Variants in RALYL observed in about 807,000 individuals in gnomAD.
RALYL encodes RALY RNA binding protein like.
Under a neutral mutation model 35.1 loss-of-function variants are expected in RALYL, and 29 were observed. The ratio of observed to expected loss-of-function variants is 0.83; its 90% CI spans 0.61 to 1.13. The LOEUF (loss-of-function observed/expected upper bound fraction) is 1.13, where lower values mean the gene tolerates loss of function less well. Among genes scored for constraint, RALYL ranks in the 50% most tolerant of loss-of-function variants. The pLI is 0.00. For synonymous variants in RALYL, 120 were observed against 127.6 expected (o/e 0.94, Z 0.40); for missense variants, 359 against 360.4 (o/e 1.00, Z 0.03).
chr8:84,367,206 G>T (rs776070806), intron 1 of RALYL, among the ~76,000 whole-genome samples: 1 of 143,906 alleles, frequency 6.9e-6, no homozygotes, highest in East Asian at 2.0e-4. Context: ...CACAATCTCC[G>T]CTCACTGCAA....
At chr8:84,273,874 C>A (rs758353093) in intron 1 of RALYL, among the ~76,000 whole-genome samples, 1 of 152,150 alleles carries the variant, frequency 6.6e-6, no homozygotes, top group African/African-American at 2.4e-5. Flanking sequence ...ATCATGCTCC[C>A]GTGTAAATTG....
chr8:84,830,464 G>C (rs889027567), intron 4 of RALYL, among the ~76,000 whole-genome samples: 2 of 152,128 alleles, frequency 1.3e-5, no homozygotes, highest in Non-Finnish European at 2.9e-5. Context: ...CAAGATGACA[G>C]CTTTGTAACA....
chr8:84,585,152 G>A (rs967899188), intron 2 of RALYL, among the ~76,000 whole-genome samples: 1 of 152,042 alleles, frequency 6.6e-6, no homozygotes. Context: ...GTGATAAATT[G>A]CATTAAGTAA....
intron 1 of RALYL, among the ~76,000 whole-genome samples, chr8:84,449,982 C>T: frequency 6.6e-6 from 1 of 151,492 alleles, no homozygotes; most frequent in Admixed American, 6.6e-5. Flanking sequence ...GACACAGGCT[C>T]ATGTCTGAAC....
chr8:84,677,222 C>T (rs1834392323), intron 2 of RALYL, among the ~76,000 whole-genome samples: 1 of 152,118 alleles, frequency 6.6e-6, no homozygotes. Flanking sequence ...CCCGAGTTGT[C>T]AATGTCCCAG....
chr8:84,481,379 G>A (rs1381390452), intron 1 of RALYL, among the ~76,000 whole-genome samples: 1 of 152,078 alleles, frequency 6.6e-6, no homozygotes, highest in African/African-American at 2.4e-5. Context: ...ACCCAGGCTG[G>A]AGTGCAATGG....
chr8:84,633,121 T>C (rs976053844), intron 2 of RALYL, among the ~76,000 whole-genome samples: 7 of 151,706 alleles, frequency 4.6e-5, no homozygotes, highest in African/African-American at 1.7e-4. Flanking sequence ...AATTGAGGTT[T>C]TTTTTTTAAT....
At chr8:84,741,696 A>G (rs1236020697) in intron 2 of RALYL, among the ~76,000 whole-genome samples, 3 of 152,080 alleles carry the variant, frequency 2.0e-5, no homozygotes, top group African/African-American at 7.2e-5. Flanking sequence ...ATTCTGGGGA[A>G]CACATACATC....
In RALYL at chr8:84,550,915, G is replaced by A. The variant is rs183086854; in HGVS notation, c.256+21338G>A. Among the ~76,000 whole-genome samples, 369 of 151,846 alleles carry A rather than the reference G, an allele frequency of 2.4e-3. 3 individuals carry two copies. Among genetic ancestry groups the A allele is most frequent in the African/African-American group, 8.3e-3 (346 of 41,468 alleles). The stretch of plus-strand genomic sequence containing the variant: ...ATTAAGAAAACAACTATTTCATTGC[G>A]ACAAAATCTAGGTCTATAACCATTA... On this transcript the variant is annotated intron_variant, in intron 2 of 8. Coordinates refer to ENST00000521268, the MANE Select transcript of RALYL (RefSeq NM_173848.7).
At chr8:84,227,052 A>ATTT (rs1554580116) in intron 1 of RALYL, among the ~76,000 whole-genome samples, 43 of 56,734 alleles carry the variant, frequency 7.6e-4, no homozygotes, top group South Asian at 2.1e-3. Flanking sequence ...AAAAAATTGT[A>ATTT]TTTCTTTTTT....
intron 2 of RALYL, among the ~76,000 whole-genome samples, chr8:84,704,146 C>T (rs539149700): frequency 1.3e-5 from 2 of 152,194 alleles, no homozygotes; most frequent in South Asian, 4.1e-4. Context: ...TATTCATGGC[C>T]GGGCATGGTG....
At chr8:84,625,306 T>C (rs1325167031) in intron 2 of RALYL, among the ~76,000 whole-genome samples, 1 of 152,234 alleles carries the variant, frequency 6.6e-6, no homozygotes, top group East Asian at 1.9e-4. Flanking sequence ...TAGGATGCAA[T>C]AGGAAAATAG....
chr8:84,252,762 CCTAA>C (rs538028541), intron 1 of RALYL, among the ~76,000 whole-genome samples: 93 of 152,172 alleles, frequency 6.1e-4, no homozygotes, highest in African/African-American at 2.1e-3. Context: ...CTGAAATAGG[CCTAA>C]CTGTTGATGG....
intron 2 of RALYL, among the ~76,000 whole-genome samples, chr8:84,615,570 C>CTTTTTTTTT (rs60428128): frequency 7.9e-4 from 53 of 67,378 alleles, no homozygotes; most frequent in African/African-American, 1.2e-3. Flanking sequence ...GAACTTTCGT[C>CTTTTTTTTT]TTTTTTTTTT....
chr8:84,493,254 T>C (rs2134075925), intron 1 of RALYL, among the ~76,000 whole-genome samples: 1 of 152,282 alleles, frequency 6.6e-6, no homozygotes, highest in African/African-American at 2.4e-5. Context: ...ATCTCATTCT[T>C]TTTATGGCTG....
At chr8:84,591,986 TGAA>T (rs1209729607) in intron 2 of RALYL, among the ~76,000 whole-genome samples, 1 of 152,186 alleles carries the variant, frequency 6.6e-6, no homozygotes, top group Non-Finnish European at 1.5e-5. Flanking sequence ...TTGTTCAATG[TGAA>T]TTTTGTACTA....
chr8:84,377,464 T>G (rs896308225), intron 1 of RALYL, among the ~76,000 whole-genome samples: 9 of 148,678 alleles, frequency 6.1e-5, no homozygotes, highest in Admixed American at 2.0e-4. Flanking sequence ...TTTTTTTTTT[T>G]TTTTTTTTTT....
chr8:84,606,975 T>C (rs1213582589), intron 2 of RALYL, among the ~76,000 whole-genome samples: 1 of 152,020 alleles, frequency 6.6e-6, no homozygotes, highest in Non-Finnish European at 1.5e-5. Context: ...GAGAAAATAA[T>C]GCTGTCCTTC....
At chr8:84,595,702 T>C in intron 2 of RALYL, among the ~76,000 whole-genome samples, 1 of 151,844 alleles carries the variant, frequency 6.6e-6, no homozygotes, top group Non-Finnish European at 1.5e-5. Context: ...GAAAATCCAT[T>C]TTCTAGCAAC....
Sources: gnomAD v4.1 joint callset for allele counts (sites outside exome capture counted in the v4.1 genomes callset) on GRCh38, gnomAD v4.1.1 for gene constraint, MANE v1.5 for transcripts, NCBI Gene and HGNC (gene_info 2026-07-23, HGNC 2026-07-21) for gene names.